TSPAN18: variants seen among roughly 807,000 people sequenced by gnomAD.
TSPAN18 encodes the protein tetraspanin-18.
TSPAN18 carries 14 observed loss-of-function variants against 27.3 expected under a neutral mutation model. The ratio of observed to expected loss-of-function variants is 0.51; its 90% confidence interval spans 0.34 to 0.80. The LOEUF (loss-of-function observed/expected upper bound fraction) is 0.80. Among genes scored for constraint, TSPAN18 ranks in the 30% least tolerant of loss-of-function variants. The probability of loss-of-function intolerance (pLI) is 0.01; values close to 1 mark genes in which losing one functional copy is unlikely to be tolerated. For missense variants in TSPAN18, 268 were observed against 323.9 expected (o/e 0.83, Z 1.32); for synonymous variants, 143 against 136.5 (o/e 1.05, Z -0.33).
intron 2 of TSPAN18, among the ~76,000 whole-genome samples, chr11:44,773,874 C>G (rs1011700924): frequency 1.3e-5 from 2 of 152,126 alleles, no homozygotes; most frequent in African/African-American, 4.8e-5. Context: ...TTCTGAGCAC[C>G]ATTTGTGTAC....
intron 3 of TSPAN18, among the ~76,000 whole-genome samples, chr11:44,899,699 A>G (rs1859188192): frequency 1.3e-5 from 2 of 152,244 alleles, no homozygotes. Context: ...AGAGGAAGTC[A>G]GCATTCCTGT....
intron 3 of TSPAN18, among the ~76,000 whole-genome samples, chr11:44,871,425 A>T (rs937283060): frequency 6.6e-6 from 1 of 152,134 alleles, no homozygotes; most frequent in Non-Finnish European, 1.5e-5. Flanking sequence ...ATACCATCAC[A>T]TTGGGGATGA....
intron 6 of TSPAN18, 127 bp downstream of exon 6, chr11:44,918,173 G>C: frequency 2.0e-6 from 2 of 986,894 alleles, no homozygotes; most frequent in South Asian, 1.5e-5. Context: ...GGCACTTCCA[G>C]CCCAAGTCAT....
intron 2 of TSPAN18, among the ~76,000 whole-genome samples, chr11:44,835,110 C>T (rs560274965): frequency 2.0e-5 from 3 of 152,308 alleles, no homozygotes; most frequent in African/African-American, 4.8e-5. Flanking sequence ...CAGGGGGCTC[C>T]GGCAGCTCAA....
chr11:44,869,448 C>T (rs1203759746), intron 3 of TSPAN18, among the ~76,000 whole-genome samples: 3 of 152,174 alleles, frequency 2.0e-5, no homozygotes, highest in South Asian at 2.1e-4. Flanking sequence ...AGGTTAAAAC[C>T]AGTTAACTGT....
At chr11:44,775,718 C>T (rs1855791229) in intron 2 of TSPAN18, among the ~76,000 whole-genome samples, 1 of 152,188 alleles carries the variant, frequency 6.6e-6, no homozygotes, top group Non-Finnish European at 1.5e-5. Flanking sequence ...CTGGAGGGAG[C>T]AAGGGCTTGA....
Position 44,931,958 on chromosome 11 carries a change from C to G in TSPAN18, c.*2780C>G, listed in dbSNP as rs895346662. The G allele has an allele frequency of 6.6e-6, 1 of 152,278 alleles. No homozygotes were observed. The highest frequency in any genetic ancestry group is 1.5e-5 in the Non-Finnish European group (1 of 68,094). 9.4% of individuals were successfully genotyped at this position (152,278 alleles called of 1,614,324 possible). ...CGCTCATCACAAACCCTGCCTGTAT[C>G]GAAAGCCACTTTCCTGCTCTGAAGC... On this transcript the variant is annotated 3_prime_UTR_variant, in exon 10 of 10. Coordinates refer to ENST00000520358, the MANE Select transcript of TSPAN18 (RefSeq NM_130783.5).
At chr11:44,914,012 G>C (rs552004349) in intron 5 of TSPAN18, among the ~76,000 whole-genome samples, 4 of 152,360 alleles carry the variant, frequency 2.6e-5, no homozygotes, top group Admixed American at 2.6e-4. Context: ...CTTGCACTTT[G>C]GTTCACAGGA....
At chr11:44,803,963 T>C (rs1379841060) in intron 2 of TSPAN18, among the ~76,000 whole-genome samples, 1 of 152,212 alleles carries the variant, frequency 6.6e-6, no homozygotes, top group Admixed American at 6.5e-5. Context: ...TTGACTAGCA[T>C]TTATTACACC....
At chr11:44,781,539 A>G (rs1855940188) in intron 2 of TSPAN18, among the ~76,000 whole-genome samples, 1 of 152,146 alleles carries the variant, frequency 6.6e-6, no homozygotes, top group Admixed American at 6.5e-5. Flanking sequence ...TCCTTGCTGG[A>G]TGATGGATAA....
Position 44,805,827 on chromosome 11 carries a change from G to A in TSPAN18, c.-153+41315G>A, listed in dbSNP as rs993185404. Among the ~76,000 whole-genome samples, 14 of 152,000 alleles carry A rather than the reference G, an allele frequency of 9.2e-5. No homozygotes were observed. The East Asian group carries it at 1.5e-3, about 17-fold the overall frequency. ...CTTTGGCATTCCGTGGTTTGTAGAC[G>A]CATCACTCTCATGACATGGCCATCT... On this transcript the variant is annotated intron_variant, in intron 2 of 9. Transcript: ENST00000520358.
At chr11:44,856,721 T>A (rs897310631) in intron 2 of TSPAN18, among the ~76,000 whole-genome samples, 1 of 152,200 alleles carries the variant, frequency 6.6e-6, no homozygotes, top group Non-Finnish European at 1.5e-5. Flanking sequence ...ATGTTGCTCA[T>A]GGTCTCCAGG....
intron 1 of TSPAN18, among the ~76,000 whole-genome samples, chr11:44,757,394 A>ATTTC (rs1284652215): frequency 2.0e-4 from 30 of 151,928 alleles, no homozygotes; most frequent in Non-Finnish European, 5.9e-5. Context: ...TTATTTATTT[A>ATTTC]TTTATTTGAG....
chr11:44,821,819 A>G (rs1289642357), intron 2 of TSPAN18, among the ~76,000 whole-genome samples: 1 of 152,226 alleles, frequency 6.6e-6, no homozygotes, highest in Non-Finnish European at 1.5e-5. Context: ...TAGTAGAAAG[A>G]GTCACGAGGA....
At chr11:44,918,401 C>T (rs113254501) in intron 6 of TSPAN18, among the ~76,000 whole-genome samples, 8 of 152,266 alleles carry the variant, frequency 5.3e-5, no homozygotes, top group East Asian at 1.9e-4. Flanking sequence ...AGACTGCTCT[C>T]GGAGGAGGCC....
chr11:44,807,781 A>C (rs942540232), intron 2 of TSPAN18, among the ~76,000 whole-genome samples: 1 of 152,168 alleles, frequency 6.6e-6, no homozygotes, highest in African/African-American at 2.4e-5. Flanking sequence ...TTTGGACATC[A>C]GTTTCCTCAT....
At chr11:44,903,112 A>ATT (rs1859324161) in intron 3 of TSPAN18, among the ~76,000 whole-genome samples, 1 of 151,440 alleles carries the variant, frequency 6.6e-6, no homozygotes, top group Admixed American at 6.6e-5. Flanking sequence ...TATGGTATAT[A>ATT]TTTTGGTGGG....
intron 2 of TSPAN18, among the ~76,000 whole-genome samples, chr11:44,817,404 G>A (rs573960427): frequency 5.3e-5 from 8 of 152,336 alleles, no homozygotes; most frequent in Non-Finnish European, 1.0e-4. Context: ...CTAGGCTTTC[G>A]GCTCCAGGCT....
At chr11:44,800,032 T>A (rs544586762) in intron 2 of TSPAN18, among the ~76,000 whole-genome samples, 5 of 148,318 alleles carry the variant, frequency 3.4e-5, no homozygotes, top group African/African-American at 1.2e-4. Context: ...TTTTTTTGTA[T>A]TTTTAGTAGA....
Sources: gnomAD v4.1 joint callset for allele counts (sites outside exome capture counted in the v4.1 genomes callset) on GRCh38, gnomAD v4.1.1 for gene constraint, MANE v1.5 for transcripts, NCBI Gene and HGNC (gene_info 2026-07-23, HGNC 2026-07-21) for gene names.